ACADL: variants seen among roughly 807,000 people sequenced by gnomAD.
The protein encoded by ACADL is acyl-CoA dehydrogenase long chain.
A neutral mutation model predicts 56.9 loss-of-function variants in ACADL; 60 were observed. The observed-to-expected ratio is 1.05, with a 90% confidence interval of 0.86 to 1.31. ACADL has a LOEUF of 1.31. Ranked by LOEUF, ACADL falls within the 50% of genes most tolerant of loss-of-function variation. The pLI, the probability that ACADL is intolerant of heterozygous loss-of-function variation, is 0.00. For synonymous variants in ACADL, 158 were observed against 179.7 expected (o/e 0.88, Z 0.97); for missense variants, 484 against 525.5 (o/e 0.92, Z 0.77).
chr2:210,223,564 G>T (rs1689212638), intron 1 of ACADL, among the ~76,000 whole-genome samples: 1 of 152,198 alleles, frequency 6.6e-6, no homozygotes, highest in Admixed American at 6.5e-5. Flanking sequence ...AGCCCATTCA[G>T]AGGGTCTCTC....
intron 4 of ACADL, among the ~76,000 whole-genome samples, chr2:210,214,100 A>G (rs929234359): frequency 2.3e-4 from 35 of 152,180 alleles, no homozygotes; most frequent in Non-Finnish European, 4.3e-4. Context: ...ATAATTATAT[A>G]TAATGAAGCT....
intron 9 of ACADL, 57 bp downstream of exon 9, chr2:210,195,154 C>T: frequency 1.2e-6 from 2 of 1,610,344 alleles, no homozygotes; most frequent in Non-Finnish European, 1.7e-6. Context: ...TTAAAATTGG[C>T]AGAATTCCAT....
At chr2:210,206,638 C>G (rs1052946163) in intron 5 of ACADL, among the ~76,000 whole-genome samples, 1 of 152,078 alleles carries the variant, frequency 6.6e-6, no homozygotes, top group African/African-American at 2.4e-5. Context: ...GAGGGATTAT[C>G]AGATGATATT....
intron 2 of ACADL, chr2:210,218,508 A>G (rs1200551568): frequency 4.9e-6 from 1 of 204,906 alleles, no homozygotes; most frequent in Non-Finnish European, 9.9e-6. Flanking sequence ...GCTGGTCGTG[A>G]ACTCTTGGCC....
chr2:210,203,452 A>T lies in ACADL; in HGVS notation c.871-8T>A. On this transcript the variant is annotated splice_region_variant and splice_polypyrimidine_tract_variant and intron_variant, in intron 7 of 10. Coordinates refer to ENST00000233710, the MANE Select transcript of ACADL (RefSeq NM_001608.4). Reference sequence around the variant, plus strand: ...AGCAATTAACAGCCTTTCCTATAACACAAAAATTAGGTCTTAAACATTACT... The same window carrying T: ...AGCAATTAACAGCCTTTCCTATAACTCAAAAATTAGGTCTTAAACATTACT... The T allele has an allele frequency of 6.3e-7, 1 of 1,595,034 alleles. No individual in the cohort carries two copies. The highest frequency in any genetic ancestry group is 8.6e-7 in the Non-Finnish European group (1 of 1,164,020).
intron 8 of ACADL, among the ~76,000 whole-genome samples, chr2:210,199,421 ACTT>A (rs1450334511): frequency 6.6e-6 from 1 of 152,164 alleles, no homozygotes; most frequent in East Asian, 1.9e-4. Context: ...ATAAAATGAT[ACTT>A]CTTTAAAAAG....
At chr2:210,212,267 T>C (rs1164544578) in intron 4 of ACADL, among the ~76,000 whole-genome samples, 1 of 152,072 alleles carries the variant, frequency 6.6e-6, no homozygotes, top group Non-Finnish European at 1.5e-5. Context: ...TTTAAGGATG[T>C]TGTGATAGAG....
At chr2:210,201,511 T>C (rs1217415453) in intron 8 of ACADL, among the ~76,000 whole-genome samples, 2 of 152,154 alleles carry the variant, frequency 1.3e-5, no homozygotes, top group African/African-American at 4.8e-5. Context: ...GAAACTATTT[T>C]TGAGAGAGAG....
At chr2:210,219,629 C>T (rs1048152228) in intron 2 of ACADL, among the ~76,000 whole-genome samples, 3 of 152,120 alleles carry the variant, frequency 2.0e-5, no homozygotes, top group Non-Finnish European at 4.4e-5. Flanking sequence ...ACTTTTAATG[C>T]TATTTAAAAA....
intron 1 of ACADL, among the ~76,000 whole-genome samples, chr2:210,223,769 GTTA>G (rs1410870420): frequency 6.6e-6 from 1 of 152,100 alleles, no homozygotes; most frequent in African/African-American, 2.4e-5. Context: ...TTTAGGAAAA[GTTA>G]TTTTTCATAA....
rs546012847 is a variant in ACADL at position 210,223,297 on chromosome 2, A to AT, written c.77+1889dup. ...AGAAATCTGTAATGGAAAAATTGGCATTTTTTTCTCTAAGGCAATAAACTG... is the reference window on the plus strand; with the variant it reads ...AGAAATCTGTAATGGAAAAATTGGCATTTTTTTTCTCTAAGGCAATAAACTG... On this transcript the variant is annotated intron_variant, in intron 1 of 10. Transcript: ENST00000233710. Among the ~76,000 whole-genome samples the AT allele has an allele frequency of 3.1e-4, 47 of 152,204 alleles. No homozygotes were observed. In the South Asian group the frequency reaches 8.1e-3, roughly 26 times the overall value.
intron 1 of ACADL, among the ~76,000 whole-genome samples, chr2:210,222,441 G>A (rs1283464932): frequency 1.3e-5 from 2 of 149,620 alleles, no homozygotes; most frequent in Non-Finnish European, 3.0e-5. Flanking sequence ...AGGATTGCTT[G>A]AGCTGAGGAG....
intron 8 of ACADL, 96 bp downstream of exon 8, chr2:210,203,235 C>T (rs1688825003): frequency 7.3e-6 from 6 of 821,830 alleles, no homozygotes; most frequent in Non-Finnish European, 1.2e-5. Flanking sequence ...CTAATATCAC[C>T]TTACATGAAA....
chr2:210,214,049 G>A (rs1168479082), intron 4 of ACADL, among the ~76,000 whole-genome samples: 1 of 137,124 alleles, frequency 7.3e-6, no homozygotes, highest in African/African-American at 2.7e-5. Flanking sequence ...AAACATGAAA[G>A]CATTTATAAA....
intron 6 of ACADL, among the ~76,000 whole-genome samples, chr2:210,205,272 G>A (rs2125712705): frequency 6.6e-6 from 1 of 152,010 alleles, no homozygotes; most frequent in Admixed American, 6.6e-5. Context: ...GTGATCCGCT[G>A]GCCTCAGCCT....
At position 210,205,551 on chromosome 2, in the gene ACADL, A is replaced by G. The variant is rs569228932; in HGVS notation, c.768+81T>C. 3.6e-5 allele frequency: 51 copies of G among 1,401,876 alleles called. 2 individuals are homozygous for G. In the South Asian group the frequency reaches 5.6e-4, roughly 15 times the overall value. The allele number at this position is 1,401,876 out of a possible 1,614,324, so 86.8% of individuals were successfully genotyped here. ...AGCATAGGAAATAAAATTGTGCCAC[A>G]TGTAATCCTCTATGTAAGTCTCCTA... On this transcript the variant is annotated intron_variant, in intron 6 of 10. Coordinates refer to ENST00000233710, the MANE Select transcript of ACADL (RefSeq NM_001608.4).
rs2125706671 is a variant in ACADL, at chr2:210,188,084, T to C, written c.*877A>G. ...TTACTTCTTACCTTATTTTACTACT[T>C]ATTTGTTTATTCACTTATTTTTTAG... On this transcript the variant is annotated 3_prime_UTR_variant, in exon 11 of 11. Transcript: ENST00000233710. 6.6e-6 allele frequency: 1 copy of C among 152,350 alleles called. No homozygotes were observed. The highest frequency in any genetic ancestry group is 2.1e-4 in the South Asian group (1 of 4,830). The allele number at this position is 152,350 out of a possible 1,614,324, so 9.4% of individuals were successfully genotyped here.
At chr2:210,198,665 T>C (rs547960011) in intron 8 of ACADL, among the ~76,000 whole-genome samples, 1 of 152,226 alleles carries the variant, frequency 6.6e-6, no homozygotes, top group Non-Finnish European at 1.5e-5. Context: ...AATATATGTG[T>C]AATTTGGGGC....
In ACADL at chr2:210,218,111, A is replaced by T; in HGVS notation, c.234-9T>A. On this transcript the variant is annotated splice_polypyrimidine_tract_variant and intron_variant, in intron 2 of 10. Coordinates refer to ENST00000233710, the MANE Select transcript of ACADL (RefSeq NM_001608.4). ...CTCCAGCTTTCTCCCATCTGCAAATAACAAATATTTTAAATTCAGATAATT... is the reference window on the plus strand; with the variant it reads ...CTCCAGCTTTCTCCCATCTGCAAATTACAAATATTTTAAATTCAGATAATT... The T allele has an allele frequency of 2.5e-6, 4 of 1,612,002 alleles. No homozygotes were observed. Among genetic ancestry groups the T allele is most frequent in the Non-Finnish European group, 3.4e-6 (4 of 1,178,728 alleles).
Sources: allele counts gnomAD v4.1 joint callset (sites outside exome capture counted in the v4.1 genomes callset), GRCh38; gene constraint gnomAD v4.1.1; transcripts MANE v1.5; gene names NCBI Gene and HGNC (gene_info 2026-07-23, HGNC 2026-07-21).